TEKTL1: variants seen among roughly 807,000 people sequenced by gnomAD.
The protein encoded by TEKTL1 is tektin like 1.
At chr19:15,023,159 C>G in the TEKTL1 span, 6 of 1,524,104 alleles carry the variant, frequency 3.9e-6, no homozygotes, top group Middle Eastern at 4.1e-4. Context: ...TGATTGGATG[C>G]TGGCTGGGAC....
At chr19:15,021,537 G>A in the TEKTL1 span, 5 of 1,613,568 alleles carry the variant, frequency 3.1e-6, no homozygotes, top group South Asian at 2.2e-5. Context: ...CATTACCTGC[G>A]GCTGCGGGCC....
At chr19:15,023,273 T>C in the TEKTL1 span, 6 of 686,122 alleles carry the variant, frequency 8.7e-6, no homozygotes, top group African/African-American at 1.8e-5. Context: ...ATAATTATCA[T>C]GTATTAGGCA....
the TEKTL1 span, among the ~76,000 whole-genome samples, chr19:15,014,742 G>GGGGGGGGGGGGGGGGGGGGGGGA: frequency 8.0e-6 from 1 of 125,674 alleles, no homozygotes; most frequent in African/African-American, 3.1e-5. Flanking sequence ...GGGGGGCGGG[G>GGGGGGGGGGGGGGGGGGGGGGGA]GCTGCTGAAA....
chr19:15,020,545 A>G, the TEKTL1 span: 1 of 1,613,978 alleles, frequency 6.2e-7, no homozygotes, highest in South Asian at 1.1e-5. Context: ...GCCTCTGGAC[A>G]AGGTTCTGGA....
the TEKTL1 span, chr19:15,010,975 G>A: frequency 6.3e-7 from 1 of 1,593,778 alleles, no homozygotes; most frequent in Non-Finnish European, 8.5e-7. Context: ...GGCAGCCCAA[G>A]GACAGCGTGC....
At chr19:15,012,194 AG>A in the TEKTL1 span, among the ~76,000 whole-genome samples, 1 of 152,144 alleles carries the variant, frequency 6.6e-6, no homozygotes, top group South Asian at 2.1e-4. Flanking sequence ...CAAGAGTTTG[AG>A]GCTGCAGTAA....
the TEKTL1 span, chr19:15,021,860 G>T: frequency 6.2e-7 from 1 of 1,614,072 alleles, no homozygotes; most frequent in Non-Finnish European, 8.5e-7. Flanking sequence ...CAGACCCCTG[G>T]TTCGCATGTA....
chr19:15,011,157 T>C, the TEKTL1 span: 22 of 1,527,032 alleles, frequency 1.4e-5, no homozygotes, highest in Admixed American at 2.2e-5. Flanking sequence ...CGCCTGCCGC[T>C]ACCCTTGCAC....
chr19:15,015,427 C>T, the TEKTL1 span, among the ~76,000 whole-genome samples: 3 of 152,304 alleles, frequency 2.0e-5, no homozygotes, highest in East Asian at 3.9e-4. Flanking sequence ...AACTTCTCTT[C>T]CTTTAGTCCT....
the TEKTL1 span, among the ~76,000 whole-genome samples, chr19:15,015,852 T>C: frequency 4.6e-5 from 7 of 152,180 alleles, no homozygotes; most frequent in Non-Finnish European, 1.0e-4. Flanking sequence ...TCATATCTAT[T>C]TTACTACAAT....
At chr19:15,015,935 A>C in the TEKTL1 span, among the ~76,000 whole-genome samples, 16 of 152,194 alleles carry the variant, frequency 1.1e-4, no homozygotes, top group Admixed American at 2.0e-4. Flanking sequence ...TCTTATCTGC[A>C]TATGTCAACT....
At chr19:15,021,757 G>T in the TEKTL1 span, 1 of 1,611,428 alleles carries the variant, frequency 6.2e-7, no homozygotes, top group Non-Finnish European at 8.5e-7. Flanking sequence ...CAGGGGTGCC[G>T]GTGGCTGGAG....
the TEKTL1 span, chr19:15,021,232 A>T: frequency 7.6e-7 from 1 of 1,318,244 alleles, no homozygotes; most frequent in Non-Finnish European, 1.0e-6. Context: ...CTGGACTTTC[A>T]CCCAGTTCCT....
At chr19:15,013,326 G>T in the TEKTL1 span, among the ~76,000 whole-genome samples, 8 of 152,144 alleles carry the variant, frequency 5.3e-5, no homozygotes, top group African/African-American at 1.9e-4. Context: ...GAGGAGATAA[G>T]ACCATCACTG....
At chr19:15,020,518 G>A in the TEKTL1 span, 456,151 of 1,613,286 alleles carry the variant, frequency 0.28, 68,914 homozygotes, top group East Asian at 0.5. Flanking sequence ...GCTCCAAGCC[G>A]TGGACCTCAT....
the TEKTL1 span, chr19:15,010,892 G>A: frequency 1.8e-5 from 28 of 1,565,962 alleles, no homozygotes; most frequent in South Asian, 1.9e-4. Flanking sequence ...AGCATGGCGC[G>A]AGGCAGCTCA....
At chr19:15,022,455 A>C in the TEKTL1 span, among the ~76,000 whole-genome samples, 21 of 151,858 alleles carry the variant, frequency 1.4e-4, no homozygotes, top group Non-Finnish European at 1.5e-4. Flanking sequence ...CAGCCTCCTG[A>C]GTAGCTGGGA....
At chr19:15,021,971 C>T in the TEKTL1 span, 2 of 1,407,292 alleles carry the variant, frequency 1.4e-6, no homozygotes, top group Admixed American at 1.8e-5. Context: ...AATGGTAAGG[C>T]TCCTTCCTCA....
At chr19:15,020,531 A>ACCAGC in the TEKTL1 span, 1 of 1,613,242 alleles carries the variant, frequency 6.2e-7, no homozygotes. Flanking sequence ...GACCTCATGA[A>ACCAGC]CCAGCCTCTG....
Sources: gnomAD v4.1 joint callset for allele counts (sites outside exome capture counted in the v4.1 genomes callset) on GRCh38, gnomAD v4.1.1 for gene constraint, MANE v1.5 for transcripts, NCBI Gene and HGNC (gene_info 2026-07-23, HGNC 2026-07-21) for gene names.